Variants in MCTP2 observed in about 807,000 individuals in gnomAD.
MCTP2 encodes multiple C2 and transmembrane domain-containing protein 2.
A neutral mutation model predicts 111.6 loss-of-function variants in MCTP2; 132 were observed. That is an observed-to-expected ratio of 1.18 (90% CI 1.03 to 1.37). The LOEUF is 1.37. MCTP2 is among the 40% of genes most tolerant of loss of function. The pLI is 0.00. For synonymous variants in MCTP2, 395 were observed against 387.7 expected (o/e 1.02, Z -0.22); for missense variants, 1,183 against 1,067.9 (o/e 1.11, Z -1.50).
intron 12 of MCTP2, among the ~76,000 whole-genome samples, chr15:94,383,821 C>G (rs558395984): frequency 6.6e-6 from 1 of 152,154 alleles, no homozygotes; most frequent in African/African-American, 2.4e-5. Context: ...TGTTCTAACC[C>G]GTTGAGTATT....
At chr15:94,367,507 T>G in intron 10 of MCTP2, 98 bp from the exon 11 acceptor site, 2 of 941,772 alleles carry the variant, frequency 2.1e-6, no homozygotes, top group Non-Finnish European at 3.2e-6. Flanking sequence ...CAGAGTGAGT[T>G]TTGGGGGATG....
chr15:94,284,191 G>A (rs1878000289), intron 1 of MCTP2, among the ~76,000 whole-genome samples: 1 of 152,204 alleles, frequency 6.6e-6, no homozygotes, highest in Admixed American at 6.5e-5. Context: ...GACAGGATAA[G>A]TCTCTCTTGT....
Position 94,244,289 on chromosome 15 carries a change from C to T in MCTP2, c.-66+12625C>T, listed in dbSNP as rs1438181704. Reference sequence around the variant, plus strand: ...TTATATACACACATATATACACATACATATGTGTATATATTTATATACACA... The same window carrying T: ...TTATATACACACATATATACACATATATATGTGTATATATTTATATACACA... On this transcript the variant is annotated intron_variant, in intron 1 of 22. Coordinates refer to ENST00000357742, the MANE Select transcript of MCTP2 (RefSeq NM_001385001.1). Among the ~76,000 whole-genome samples, 5 of 147,284 alleles carry T rather than the reference C, an allele frequency of 3.4e-5. No individual in the cohort carries two copies. In the East Asian group the frequency reaches 6.1e-4, roughly 18 times the overall value.
At chr15:94,474,863 T>TA (rs2074226286) in intron 21 of MCTP2, among the ~76,000 whole-genome samples, 1 of 151,758 alleles carries the variant, frequency 6.6e-6, no homozygotes. Context: ...TCCTAAGTTT[T>TA]TTTTTTTCAA....
intron 3 of MCTP2, chr15:94,314,628 C>G (rs2076298885): frequency 3.8e-6 from 2 of 522,248 alleles, no homozygotes; most frequent in African/African-American, 1.9e-5. Context: ...TTGAAACTTT[C>G]AAAAGAAGGC....
chr15:94,461,726 A>C (rs151069218), intron 20 of MCTP2, among the ~76,000 whole-genome samples: 21 of 152,250 alleles, frequency 1.4e-4, no homozygotes, highest in Non-Finnish European at 2.6e-4. Flanking sequence ...GCTAGAAATG[A>C]TGTGAAAAAA....
At chr15:94,415,734 C>G (rs1377710798) in intron 17 of MCTP2, among the ~76,000 whole-genome samples, 1 of 151,918 alleles carries the variant, frequency 6.6e-6, no homozygotes, top group Non-Finnish European at 1.5e-5. Flanking sequence ...TAACTTTGTC[C>G]AGACCATCAT....
At chr15:94,238,421 T>A (rs1307712507) in intron 1 of MCTP2, among the ~76,000 whole-genome samples, 1 of 148,486 alleles carries the variant, frequency 6.7e-6, no homozygotes, top group Non-Finnish European at 1.5e-5. Context: ...TTGGAGTAGC[T>A]GTTAGAATAT....
intron 4 of MCTP2, among the ~76,000 whole-genome samples, chr15:94,335,210 G>T (rs1049290292): frequency 3.9e-5 from 6 of 152,104 alleles, no homozygotes; most frequent in Admixed American, 3.3e-4. Context: ...TTACCCTGCT[G>T]CTCGTGAGTG....
intron 17 of MCTP2, among the ~76,000 whole-genome samples, chr15:94,408,892 T>C (rs905572657): frequency 6.6e-6 from 1 of 152,240 alleles, no homozygotes; most frequent in African/African-American, 2.4e-5. Context: ...CTTTTGTGTG[T>C]AGGTCCAGGC....
intron 19 of MCTP2, among the ~76,000 whole-genome samples, chr15:94,446,998 G>T (rs2084158481): frequency 6.6e-6 from 1 of 152,136 alleles, no homozygotes; most frequent in East Asian, 1.9e-4. Context: ...ATACAAATGG[G>T]TATTGTATCT....
At chr15:94,452,949 CTT>C (rs1213166662) in intron 19 of MCTP2, among the ~76,000 whole-genome samples, 7 of 151,864 alleles carry the variant, frequency 4.6e-5, no homozygotes, top group South Asian at 2.1e-4. Flanking sequence ...CGTGAAAAAA[CTT>C]TGTTTGTTTT....
At chr15:94,472,615 G>A (rs1276494961) in intron 21 of MCTP2, among the ~76,000 whole-genome samples, 1 of 152,098 alleles carries the variant, frequency 6.6e-6, no homozygotes, top group African/African-American at 2.4e-5. Flanking sequence ...ATGCTCTCTT[G>A]GGCTGTCAGT....
intron 17 of MCTP2, among the ~76,000 whole-genome samples, chr15:94,431,680 T>A (rs903635804): frequency 3.9e-5 from 6 of 152,212 alleles, no homozygotes; most frequent in African/African-American, 1.4e-4. Flanking sequence ...ATAATTTTTT[T>A]TAAAAATTTA....
intron 20 of MCTP2, among the ~76,000 whole-genome samples, chr15:94,459,534 CATT>C (rs1342182903): frequency 4.6e-5 from 7 of 152,192 alleles, no homozygotes; most frequent in African/African-American, 1.2e-4. Context: ...CAGTTATACC[CATT>C]ATTAATATCT....
chr15:94,263,849 T>A (rs2073349944), intron 1 of MCTP2, among the ~76,000 whole-genome samples: 1 of 152,186 alleles, frequency 6.6e-6, no homozygotes. Flanking sequence ...CTTTAGCGAG[T>A]ATACCAGTTC....
intron 4 of MCTP2, among the ~76,000 whole-genome samples, chr15:94,334,311 C>T (rs1345188267): frequency 6.6e-6 from 1 of 152,206 alleles, no homozygotes; most frequent in Admixed American, 6.5e-5. Flanking sequence ...ACGTCTGAGA[C>T]TTTAATTCAC....
chr15:94,395,584 T>C (rs2081241029), intron 14 of MCTP2, among the ~76,000 whole-genome samples: 1 of 152,248 alleles, frequency 6.6e-6, no homozygotes, highest in Non-Finnish European at 1.5e-5. Flanking sequence ...ACCTCTGTTA[T>C]ATGCTGATTA....
In MCTP2 at chr15:94,285,106, A is replaced by G. The variant is rs1017618960; in HGVS notation, c.-65-13095A>G. On this transcript the variant is annotated intron_variant, in intron 1 of 22. Transcript: ENST00000357742. Reference sequence around the variant, plus strand: ...GAAAAAATAATAGTGGCAAAGAGAAAAGTGGATGAGAAAATCTGGAAGAAC... The same window carrying G: ...GAAAAAATAATAGTGGCAAAGAGAAGAGTGGATGAGAAAATCTGGAAGAAC... 2.0e-5 allele frequency among the ~76,000 whole-genome samples: 3 copies of G among 152,338 alleles called. No homozygotes were observed. The South Asian group carries it at 6.2e-4, about 32-fold the overall frequency.
Sources: gnomAD v4.1 joint callset for allele counts (sites outside exome capture counted in the v4.1 genomes callset) on GRCh38, gnomAD v4.1.1 for gene constraint, MANE v1.5 for transcripts, NCBI Gene and HGNC (gene_info 2026-07-23, HGNC 2026-07-21) for gene names.